FRAS1: variants seen among roughly 807,000 people sequenced by gnomAD.
The protein encoded by FRAS1 is Fraser extracellular matrix complex subunit 1.
A neutral mutation model predicts 435.2 loss-of-function variants in FRAS1; 290 were observed. That is an observed-to-expected ratio of 0.67 (90% CI 0.61 to 0.73). The LOEUF (loss-of-function observed/expected upper bound fraction) is 0.73, where lower values mean the gene tolerates loss of function less well. Among genes scored for constraint, FRAS1 ranks in the 30% least tolerant of loss-of-function variants. The probability of loss-of-function intolerance (pLI) is 0.00; values close to 1 mark genes in which losing one functional copy is unlikely to be tolerated. For missense variants in FRAS1, 4,860 were observed against 5,001.5 expected, an observed-to-expected ratio of 0.97 and a Z score of 0.85; for synonymous variants, 1,800 against 1,851.0, an observed-to-expected ratio of 0.97 and a Z score of 0.71.
chr4:78,387,401 T>C lies in FRAS1; in HGVS notation c.3675T>C (p.Val1225=), dbSNP rs1228429617. The change falls in exon 29 of 74, where the codon GTT becomes GTC. Residue 1225 remains valine, a synonymous_variant. Coordinates refer to ENST00000512123, the MANE Select transcript of FRAS1 (RefSeq NM_025074.7). ...TQAPYVLRNE[V]LHISRGERAT... Reference sequence around the variant, plus strand: ...CCCCCTATGTGCTGAGAAATGAAGTTCTCCACATTAGCAGAGGAGAGAGGG... The same window carrying C: ...CCCCCTATGTGCTGAGAAATGAAGTCCTCCACATTAGCAGAGGAGAGAGGG... The C allele has an allele frequency of 6.2e-7, 1 of 1,611,634 alleles. No homozygotes were observed. Among genetic ancestry groups the C allele is most frequent in the African/African-American group, 1.3e-5 (1 of 74,846 alleles).
intron 30 of FRAS1, among the ~76,000 whole-genome samples, chr4:78,406,675 G>GACCAGCATT (rs11281572): frequency 1.3e-5 from 2 of 151,882 alleles, no homozygotes; most frequent in African/African-American, 4.8e-5. Context: ...CAAGAAAGAT[G>GACCAGCATT]ATCTTTAAGC....
chr4:78,307,299 A>G (rs1375805315), intron 14 of FRAS1, among the ~76,000 whole-genome samples: 1 of 152,154 alleles, frequency 6.6e-6, no homozygotes, highest in African/African-American at 2.4e-5. Context: ...AAGTCTGCAG[A>G]GGTTATTGCT....
rs999140435 is a variant in FRAS1 at position 78,317,454 on chromosome 4, C to T, written c.1906C>T (p.His636Tyr). 10 of 1,613,830 alleles carry T rather than the reference C, an allele frequency of 6.2e-6. No homozygotes were observed. The African/African-American group carries it at 9.3e-5, about 15-fold the overall frequency. ...CSPPKALRQG[H>Y]CLPRCGEGFY... ...CCCCCCCAAGGCTCTGCGTCAAGGC[C>T]ACTGTCTGCCCCGCTGTGGAGAGGG... is the stretch of plus-strand genomic sequence containing the variant. Residue 636 changes from histidine (H) to tyrosine (Y), a missense_variant, in exon 17 of 74, where the codon CAC becomes TAC. Coordinates refer to ENST00000512123, the MANE Select transcript of FRAS1 (RefSeq NM_025074.7).
intron 47 of FRAS1, among the ~76,000 whole-genome samples, chr4:78,458,774 T>G (rs1719282778): frequency 1.3e-5 from 2 of 152,106 alleles, no homozygotes; most frequent in South Asian, 4.2e-4. Flanking sequence ...TTGAATAAGA[T>G]CAAATACTTG....
intron 7 of FRAS1, among the ~76,000 whole-genome samples, chr4:78,266,528 T>A (rs188206428): frequency 5.0e-4 from 76 of 152,346 alleles, no homozygotes; most frequent in African/African-American, 1.8e-3. Context: ...ATGCCATGGA[T>A]GAGCCAGTCA....
intron 2 of FRAS1, among the ~76,000 whole-genome samples, chr4:78,102,573 A>G (rs1245107137): frequency 2.0e-5 from 3 of 152,168 alleles, no homozygotes; most frequent in African/African-American, 7.2e-5. Context: ...TCCCAGGGGT[A>G]TTTCAACTTT....
intron 35 of FRAS1, among the ~76,000 whole-genome samples, chr4:78,428,787 C>T (rs1247340165): frequency 6.6e-6 from 1 of 152,194 alleles, no homozygotes; most frequent in East Asian, 1.9e-4. Flanking sequence ...GTGTTACCTT[C>T]CTTTCCACTA....
chr4:78,291,241 G>A (rs969647934), intron 14 of FRAS1, among the ~76,000 whole-genome samples: 16 of 152,208 alleles, frequency 1.1e-4, no homozygotes, highest in Admixed American at 9.2e-4. Flanking sequence ...TTTTTGGCAC[G>A]AGGTACTGGT....
At chr4:78,111,781 G>A (rs1742724725) in intron 2 of FRAS1, among the ~76,000 whole-genome samples, 1 of 148,604 alleles carries the variant, frequency 6.7e-6, no homozygotes, top group Non-Finnish European at 1.5e-5. Flanking sequence ...AAAAGATGAG[G>A]TTCTGTCTGT....
chr4:78,422,066 C>G, intron 34 of FRAS1, 66 bp downstream of exon 34: 1 of 1,508,236 alleles, frequency 6.6e-7, no homozygotes, highest in South Asian at 1.3e-5. Context: ...ACAGGCTCGC[C>G]CTAACTCTCC....
At chr4:78,287,135 C>T (rs1727646660) in intron 14 of FRAS1, among the ~76,000 whole-genome samples, 1 of 151,470 alleles carries the variant, frequency 6.6e-6, no homozygotes, top group Admixed American at 6.6e-5. Context: ...ATACGTCTTA[C>T]ATGGTGTCTG....
chr4:78,119,529 G>A (rs1384088663), intron 2 of FRAS1, among the ~76,000 whole-genome samples: 9 of 151,960 alleles, frequency 5.9e-5, no homozygotes, highest in Non-Finnish European at 1.3e-4. Flanking sequence ...TCTTTTTATG[G>A]CTGAATATTA....
chr4:78,324,194 A>AG (rs1283070096), intron 18 of FRAS1, among the ~76,000 whole-genome samples: 1 of 138,140 alleles, frequency 7.2e-6, no homozygotes, highest in Non-Finnish European at 1.6e-5. Context: ...TAAATAAGGG[A>AG]AAAAGAAAAA....
At position 78,439,063 on chromosome 4, in the gene FRAS1, C is replaced by T. The variant is rs750590926; in HGVS notation, c.5528C>T (p.Thr1843Met). 69 of 1,610,960 alleles carry T rather than the reference C, an allele frequency of 4.3e-5. No homozygotes were observed. In the Middle Eastern group the frequency reaches 8.3e-4, roughly 19 times the overall value. ...PPVIAFADLITVDEGGRAPLS... is the reference protein window; with the variant it reads ...PPVIAFADLIMVDEGGRAPLS... ...GTCATTGCTTTTGCTGACCTTATCACGGTAAACAATTCTCAGATCAATAAA... is the reference window on the plus strand; with the variant it reads ...GTCATTGCTTTTGCTGACCTTATCATGGTAAACAATTCTCAGATCAATAAA... Residue 1843 changes from threonine to methionine, a missense_variant and splice_region_variant, in exon 40 of 74, where the codon ACG becomes ATG. Thr to Met is a moderately conservative substitution (Grantham distance 81). Transcript: ENST00000512123.
At chr4:78,122,267 G>A (rs1020471843) in intron 2 of FRAS1, among the ~76,000 whole-genome samples, 2 of 152,068 alleles carry the variant, frequency 1.3e-5, no homozygotes, top group Admixed American at 1.3e-4. Flanking sequence ...AAGAATGATG[G>A]TTTCCAGCTT....
At position 78,533,055 on chromosome 4, in the gene FRAS1, C is replaced by T. The variant is rs576578130; in HGVS notation, c.10926-1394C>T. 1.2e-4 allele frequency among the ~76,000 whole-genome samples: 19 copies of T among 152,234 alleles called. No homozygotes were observed. The South Asian group carries it at 3.7e-3, about 30-fold the overall frequency. ...CTATTTTTAATTTTTTGAGGATGAT[C>T]CATACTGTTTTACATAATGGCTGCA... On this transcript the variant is annotated intron_variant, in intron 70 of 73. Coordinates refer to ENST00000512123, the MANE Select transcript of FRAS1 (RefSeq NM_025074.7).
At chr4:78,204,336 G>A (rs1290102792) in intron 2 of FRAS1, among the ~76,000 whole-genome samples, 1 of 152,168 alleles carries the variant, frequency 6.6e-6, no homozygotes, top group East Asian at 1.9e-4. Flanking sequence ...CTAAACATCT[G>A]TACAATGGAG....
Position 78,464,062 on chromosome 4 carries a change from C to G in FRAS1, c.6805C>G (p.Arg2269Gly). The change falls in exon 48 of 74, where the codon CGA becomes GGA. Residue 2269 changes from arginine (R) to glycine (G), a missense_variant. Coordinates refer to ENST00000512123, the MANE Select transcript of FRAS1 (RefSeq NM_025074.7). ...SSFTQADLTS[R>G]NVQYVHSSEA... ...CTTTACTCAAGCTGATCTGACTTCA[C>G]GAAATGTTCAGTATGTCCATTCTAG... 7 of 1,613,616 alleles carry G rather than the reference C, an allele frequency of 4.3e-6. No individual in the cohort carries two copies. The highest frequency in any genetic ancestry group is 5.9e-6 in the Non-Finnish European group (7 of 1,179,754).
At chr4:78,308,938 T>C (rs1029800889) in intron 15 of FRAS1, among the ~76,000 whole-genome samples, 1 of 152,208 alleles carries the variant, frequency 6.6e-6, no homozygotes, top group African/African-American at 2.4e-5. Context: ...ATGTGTTCCC[T>C]TGAATGGCAA....
Sources: gnomAD v4.1 joint callset for allele counts (sites outside exome capture counted in the v4.1 genomes callset) on GRCh38, gnomAD v4.1.1 for gene constraint, MANE v1.5 for transcripts, NCBI Gene and HGNC (gene_info 2026-07-23, HGNC 2026-07-21) for gene names.